Variants in LRRK1 observed in about 807,000 individuals in gnomAD.
LRRK1 encodes leucine-rich repeat serine/threonine-protein kinase 1.
Under a neutral mutation model 209.1 loss-of-function variants are expected in LRRK1, and 113 were observed. The ratio of observed to expected loss-of-function variants is 0.54; its 90% CI spans 0.46 to 0.63. The LOEUF (loss-of-function observed/expected upper bound fraction) is 0.63. Ranked by LOEUF, LRRK1 falls within the 30% of genes least tolerant of loss-of-function variation. LRRK1 has a pLI of 0.00. For missense variants in LRRK1, 2,284 were observed against 2,632.2 expected (o/e 0.87, Z 2.89); for synonymous variants, 1,144 against 1,099.7 (o/e 1.04, Z -0.80).
At chr15:101,002,961 G>A (rs552676710) in intron 6 of LRRK1, among the ~76,000 whole-genome samples, 2 of 152,228 alleles carry the variant, frequency 1.3e-5, no homozygotes, top group Non-Finnish European at 2.9e-5. Context: ...TGAGCTCCTG[G>A]CTTCAAGTGA....
At chr15:101,020,141 GATAA>G (rs2033710741) in intron 12 of LRRK1, among the ~76,000 whole-genome samples, 1 of 152,160 alleles carries the variant, frequency 6.6e-6, no homozygotes, top group African/African-American at 2.4e-5. Flanking sequence ...AAGGGCATGG[GATAA>G]ATATTCAGTC....
chr15:101,048,465 T>C, intron 21 of LRRK1, 29 bp from the exon 22 acceptor site: 1 of 1,594,716 alleles, frequency 6.3e-7, no homozygotes, highest in Non-Finnish European at 8.5e-7. Context: ...CCCAGAATAC[T>C]TAAGCAGGGT....
chr15:100,941,470 G>C (rs1567191270), intron 2 of LRRK1, among the ~76,000 whole-genome samples: 36 of 64,068 alleles, frequency 5.6e-4, no homozygotes, highest in Admixed American at 1.2e-3. Flanking sequence ...GTCTCTGTGT[G>C]TGTGTGTGTG....
intron 2 of LRRK1, among the ~76,000 whole-genome samples, chr15:100,941,210 G>GTGTCTGTGTC (rs2042395012): frequency 6.6e-6 from 1 of 150,936 alleles, no homozygotes; most frequent in Non-Finnish European, 1.5e-5. Context: ...TTCTGTGTGT[G>GTGTCTGTGTC]TCTGTATGTG....
intron 11 of LRRK1, 143 bp from the exon 12 acceptor site, chr15:101,015,183 C>A: frequency 1.6e-6 from 1 of 640,298 alleles, no homozygotes; most frequent in Non-Finnish European, 2.8e-6. Context: ...GCAGCCGCCA[C>A]TGCAGCGTGC....
At chr15:100,953,090 ACACATCTACCAT>A (rs1201874343) in intron 2 of LRRK1, among the ~76,000 whole-genome samples, 1 of 152,218 alleles carries the variant, frequency 6.6e-6, no homozygotes, top group Admixed American at 6.5e-5. Flanking sequence ...AAGTTAATGA[ACACATCTACCAT>A]TTCACATAAT....
intron 2 of LRRK1, among the ~76,000 whole-genome samples, chr15:100,946,969 TTTTC>T (rs1215430414): frequency 6.6e-6 from 1 of 152,200 alleles, no homozygotes; most frequent in African/African-American, 2.4e-5. Flanking sequence ...TTTCTTTCTT[TTTTC>T]TTTTTCTTTT....
intron 24 of LRRK1, among the ~76,000 whole-genome samples, 153 bp from the exon 25 acceptor site, chr15:101,052,769 C>T (rs1431581653): frequency 1.3e-5 from 2 of 152,236 alleles, no homozygotes; most frequent in Admixed American, 6.5e-5. Flanking sequence ...GGTGTGCTCA[C>T]CCACAAGTGG....
intron 3 of LRRK1, among the ~76,000 whole-genome samples, chr15:100,977,136 C>A (rs1406578704): frequency 1.3e-5 from 2 of 149,088 alleles, no homozygotes; most frequent in African/African-American, 5.0e-5. Context: ...TCATACATCC[C>A]AAACCAGATA....
In LRRK1 at chr15:101,012,112, CAAA is replaced by C; in HGVS notation, c.1387_1389del (p.Lys463del). On this transcript the variant is annotated inframe_deletion, in exon 10 of 34. Coordinates refer to ENST00000388948, the MANE Select transcript of LRRK1 (RefSeq NM_024652.6). ...ATGTGGATTTCTCAGAAAACGCACTCAAAGAAGTTCCCCTGGGACTTTTCCAGC... is the reference window on the plus strand; with the variant it reads ...ATGTGGATTTCTCAGAAAACGCACTCGAAGTTCCCCTGGGACTTTTCCAGC... The C allele has an allele frequency of 6.2e-7, 1 of 1,612,248 alleles. No individual in the cohort carries two copies. The highest frequency in any genetic ancestry group is 8.5e-7 in the Non-Finnish European group (1 of 1,179,504).
rs538561978 is a variant in LRRK1, at chr15:100,935,354, G to A, written c.97+10625G>A. Among the ~76,000 whole-genome samples, 4 of 152,328 alleles carry A rather than the reference G, an allele frequency of 2.6e-5. No individual in the cohort carries two copies. In the South Asian group the frequency reaches 6.2e-4, roughly 24 times the overall value. On this transcript the variant is annotated intron_variant, in intron 2 of 33. Coordinates refer to ENST00000388948, the MANE Select transcript of LRRK1 (RefSeq NM_024652.6). ...CAGGTCAGTCCTGTAAAGGAGCTGG[G>A]GAAATGGTGCTCCTGGCAAGGCATC...
Position 101,065,780 on chromosome 15 carries a change from C to T in LRRK1, c.5343C>T (p.Ser1781=), listed in dbSNP as rs752581212. ...LCARYFCGVP[S]PLRDMFPVRP... ...CCCGGTACTTCTGCGGGGTCCCCAG[C>T]CCCCTCAGGGACATGTTTCCCGTGC... The change falls in exon 32 of 34, where the codon AGC becomes AGT. Residue 1781 remains serine (S), a synonymous_variant. Coordinates refer to ENST00000388948, the MANE Select transcript of LRRK1 (RefSeq NM_024652.6). 7.4e-5 allele frequency: 120 copies of T among 1,614,108 alleles called. 2 individuals carry two copies. In the Middle Eastern group the frequency reaches 5.6e-3, roughly 75 times the overall value.
intron 1 of LRRK1, among the ~76,000 whole-genome samples, chr15:100,921,274 T>G (rs986932251): frequency 3.9e-5 from 6 of 152,216 alleles, no homozygotes; most frequent in Admixed American, 1.3e-4. Flanking sequence ...TTCAGACTCA[T>G]GGAGCATTTC....
intron 3 of LRRK1, among the ~76,000 whole-genome samples, chr15:100,979,161 A>G (rs562374826): frequency 6.6e-6 from 1 of 152,348 alleles, no homozygotes; most frequent in African/African-American, 2.4e-5. Flanking sequence ...ATCAATTGAT[A>G]CAGAAAAAAA....
rs755378549 is a variant in LRRK1 at position 100,924,721 on chromosome 15, C to T, written c.89C>T (p.Thr30Met). The T allele has an allele frequency of 1.1e-5, 17 of 1,613,624 alleles. No homozygotes were observed. The highest frequency in any genetic ancestry group is 2.2e-5 in the East Asian group (1 of 44,890). The change falls in exon 2 of 34, where the codon ACG becomes ATG. Residue 30 changes from threonine to methionine, a missense_variant. By Grantham distance (81) the Thr-to-Met change is moderately conservative. Transcript: ENST00000388948. ...SAVCPERAME[T>M]LNGAGDTGGK... ...GTGTGTCCAGAACGTGCCATGGAGACGCTTAACGGTAAGGACAGGGCTGTG... is the reference window on the plus strand; with the variant it reads ...GTGTGTCCAGAACGTGCCATGGAGATGCTTAACGGTAAGGACAGGGCTGTG...
intron 6 of LRRK1, among the ~76,000 whole-genome samples, chr15:100,997,539 C>T (rs1434739035): frequency 6.6e-6 from 1 of 152,232 alleles, no homozygotes; most frequent in Non-Finnish European, 1.5e-5. Flanking sequence ...CACAACATCA[C>T]TGGCAATTAC....
chr15:100,964,809 C>G (rs12904580), intron 2 of LRRK1, among the ~76,000 whole-genome samples: 1 of 13,990 alleles, frequency 7.1e-5, no homozygotes, highest in Non-Finnish European at 2.4e-4. Flanking sequence ...CACACGCATG[C>G]GCGCACACAC....
intron 6 of LRRK1, among the ~76,000 whole-genome samples, chr15:100,998,390 C>T (rs2032523676): frequency 6.6e-6 from 1 of 152,188 alleles, no homozygotes; most frequent in South Asian, 2.1e-4. Context: ...CCTTAACCCT[C>T]AGGCCTGGTC....
rs544452691 is a variant in LRRK1, at chr15:101,009,586, A to C, written c.989+523A>C. ...ACCTTAGTTGATTTCTTTATTTTTT[A>C]TTTTTATTTTTATTTTTTTTGAGAC... is the stretch of plus-strand genomic sequence containing the variant. On this transcript the variant is annotated intron_variant, in intron 7 of 33. Coordinates refer to ENST00000388948, the MANE Select transcript of LRRK1 (RefSeq NM_024652.6). 2.3e-4 allele frequency among the ~76,000 whole-genome samples: 35 copies of C among 151,864 alleles called. 1 individual carries two copies. In the South Asian group the frequency reaches 7.1e-3, roughly 31 times the overall value.
Sources: gnomAD v4.1 joint callset for allele counts (sites outside exome capture counted in the v4.1 genomes callset) on GRCh38, gnomAD v4.1.1 for gene constraint, MANE v1.5 for transcripts, NCBI Gene and HGNC (gene_info 2026-07-23, HGNC 2026-07-21) for gene names.